Variants in ERCC6L2 observed in about 807,000 individuals in gnomAD.
ERCC6L2 encodes the protein DNA excision repair protein ERCC-6-like 2.
In ERCC6L2, 77 loss-of-function variants were observed where a neutral mutation model predicts 132.0. The observed-to-expected ratio is 0.58, with a 90% CI of 0.49 to 0.71. The LOEUF (loss-of-function observed/expected upper bound fraction) is 0.71. ERCC6L2 is among the 30% of genes least tolerant of loss of function. The pLI, the probability that ERCC6L2 is intolerant of heterozygous loss-of-function variation, is 0.00. For synonymous variants in ERCC6L2, 583 were observed against 632.4 expected (o/e 0.92, Z 1.17); for missense variants, 1,542 against 1,837.6 (o/e 0.84, Z 2.94).
At chr9:95,974,233 T>G (rs1400754171) in intron 16 of ERCC6L2, among the ~76,000 whole-genome samples, 1 of 152,192 alleles carries the variant, frequency 6.6e-6, no homozygotes, top group Non-Finnish European at 1.5e-5. Context: ...ACTACTTCCC[T>G]TCATTATTGC....
intron 17 of ERCC6L2, among the ~76,000 whole-genome samples, chr9:95,997,405 C>CT (rs148959217): frequency 0.027 from 4,051 of 152,304 alleles, 200 homozygotes; most frequent in African/African-American, 0.093. Context: ...CATGATAAAA[C>CT]TTTAACAGGT....
chr9:95,966,347 A>G (rs925581604), intron 13 of ERCC6L2, among the ~76,000 whole-genome samples: 3 of 152,236 alleles, frequency 2.0e-5, no homozygotes, highest in South Asian at 2.1e-4. Flanking sequence ...CAGATAAAAT[A>G]GGAAATATAA....
At chr9:95,963,455 T>C (rs116752706) in intron 13 of ERCC6L2, among the ~76,000 whole-genome samples, 2,711 of 152,162 alleles carry the variant, frequency 0.018, 86 homozygotes, top group African/African-American at 0.061. Flanking sequence ...CCTACTTAAA[T>C]ATACATAAAA....
chr9:95,953,493 G>A (rs1452483464), intron 12 of ERCC6L2, among the ~76,000 whole-genome samples: 2 of 151,312 alleles, frequency 1.3e-5, no homozygotes, highest in Non-Finnish European at 2.9e-5. Context: ...GGAGAATGGT[G>A]TGAACCAGGA....
chr9:95,930,215 G>A lies in ERCC6L2; in HGVS notation c.1751+1351G>A, dbSNP rs1830277026. Among the ~76,000 whole-genome samples the A allele has an allele frequency of 2.0e-5, 3 of 151,980 alleles. No individual in the cohort carries two copies. The South Asian group carries it at 6.2e-4, about 32-fold the overall frequency. ...TTCCTCTGGAAATCCTTTGGAGACC[G>A]GTTGTAGGAGTTTTCTGCTTGTGTG... On this transcript the variant is annotated intron_variant, in intron 11 of 18. Coordinates refer to ENST00000653738, the MANE Select transcript of ERCC6L2 (RefSeq NM_020207.7).
chr9:95,933,673 C>T (rs1830437653), intron 11 of ERCC6L2, among the ~76,000 whole-genome samples: 1 of 151,860 alleles, frequency 6.6e-6, no homozygotes. Flanking sequence ...GGTGAAACCC[C>T]ATCTCTACTA....
chr9:95,879,018 C>T (rs1397965088), intron 1 of ERCC6L2, among the ~76,000 whole-genome samples: 2 of 151,712 alleles, frequency 1.3e-5, no homozygotes, highest in Non-Finnish European at 2.9e-5. Context: ...GGGTATATAC[C>T]CAGTAATGGG....
intron 17 of ERCC6L2, among the ~76,000 whole-genome samples, chr9:96,001,818 G>A (rs1833692658): frequency 6.6e-6 from 1 of 152,250 alleles, no homozygotes; most frequent in South Asian, 2.1e-4. Context: ...CATGGAGTGG[G>A]TGGGAGGCTC....
intron 3 of ERCC6L2, among the ~76,000 whole-genome samples, chr9:95,900,245 A>G (rs1360838600): frequency 6.6e-6 from 1 of 152,000 alleles, no homozygotes; most frequent in Non-Finnish European, 1.5e-5. Flanking sequence ...ACAATTAGCC[A>G]GGTGTGGTAG....
chr9:96,025,963 G>C (rs1834354508), intron 19 of ERCC6L2: 1 of 152,246 alleles, frequency 6.6e-6, no homozygotes, highest in Admixed American at 6.5e-5. Flanking sequence ...CCAAGATTCA[G>C]ATATGGTGAC....
chr9:96,037,738 G>A (rs569141443), intron 19 of ERCC6L2, among the ~76,000 whole-genome samples: 1 of 152,164 alleles, frequency 6.6e-6, no homozygotes, highest in African/African-American at 2.4e-5. Context: ...TGAAGGATGA[G>A]TTTGGTGAGA....
intron 2 of ERCC6L2, among the ~76,000 whole-genome samples, chr9:95,889,937 C>A (rs980424003): frequency 1.3e-5 from 2 of 152,102 alleles, no homozygotes; most frequent in African/African-American, 4.8e-5. Context: ...TGTGGAGTAT[C>A]CGTTCTCTTT....
At chr9:95,959,012 A>T (rs1831761295) in intron 13 of ERCC6L2, among the ~76,000 whole-genome samples, 2 of 151,834 alleles carry the variant, frequency 1.3e-5, no homozygotes, top group Admixed American at 1.3e-4. Context: ...TTCTTCACAG[A>T]ATTGGAAAAA....
downstream of ERCC6L2, among the ~76,000 whole-genome samples, chr9:96,022,538 G>A (rs749902686): frequency 2.6e-5 from 4 of 152,166 alleles, no homozygotes; most frequent in Non-Finnish European, 5.9e-5. Context: ...TTCAGAGCCC[G>A]TCAGCCCCAC....
intron 3 of ERCC6L2, among the ~76,000 whole-genome samples, chr9:95,901,623 T>C (rs892091322): frequency 6.6e-6 from 1 of 152,192 alleles, no homozygotes; most frequent in African/African-American, 2.4e-5. Flanking sequence ...CTTTCAGAGG[T>C]GTAGGGCGGA....
chr9:95,969,180 G>C (rs1457429716), intron 14 of ERCC6L2, among the ~76,000 whole-genome samples: 7 of 152,172 alleles, frequency 4.6e-5, no homozygotes, highest in Non-Finnish European at 1.0e-4. Context: ...GATGGAGCCG[G>C]AGAGATGACA....
chr9:95,936,701 G>C (rs1445855300), intron 11 of ERCC6L2, among the ~76,000 whole-genome samples: 2 of 152,162 alleles, frequency 1.3e-5, no homozygotes, highest in Non-Finnish European at 2.9e-5. Flanking sequence ...TACTGACGTT[G>C]ATACAGTGAA....
chr9:95,887,091 A>G (rs764594152), intron 2 of ERCC6L2, among the ~76,000 whole-genome samples: 4 of 152,126 alleles, frequency 2.6e-5, no homozygotes, highest in Non-Finnish European at 5.9e-5. Context: ...TCTCTATTCC[A>G]TTAGTTCTGT....
intron 2 of ERCC6L2, among the ~76,000 whole-genome samples, chr9:95,893,212 A>G (rs890683322): frequency 1.3e-5 from 2 of 152,214 alleles, no homozygotes; most frequent in Non-Finnish European, 2.9e-5. Flanking sequence ...AGGAATGCTA[A>G]GTGTAATGCC....
Sources: allele counts gnomAD v4.1 joint callset (sites outside exome capture counted in the v4.1 genomes callset), GRCh38; gene constraint gnomAD v4.1.1; transcripts MANE v1.5; gene names NCBI Gene and HGNC (gene_info 2026-07-23, HGNC 2026-07-21).